Variants in SGCZ observed in about 807,000 individuals in gnomAD.
The protein encoded by SGCZ is sarcoglycan zeta.
Under a neutral mutation model 41.3 loss-of-function variants are expected in SGCZ, and 40 were observed. The ratio of observed to expected loss-of-function variants is 0.97; its 90% CI spans 0.75 to 1.26. The LOEUF is 1.26. Ranked by LOEUF, SGCZ falls within the 50% of genes most tolerant of loss-of-function variation. The pLI is 0.00. For synonymous variants in SGCZ, 206 were observed against 137.5 expected (o/e 1.50, Z -3.49); for missense variants, 552 against 369.8 (o/e 1.49, Z -4.04).
At chr8:14,636,924 T>C (rs1806847959) in intron 1 of SGCZ, among the ~76,000 whole-genome samples, 1 of 151,916 alleles carries the variant, frequency 6.6e-6, no homozygotes, top group Admixed American at 6.6e-5. Context: ...TTTTAAAATG[T>C]TTACGTTCCC....
intron 1 of SGCZ, among the ~76,000 whole-genome samples, chr8:15,038,048 T>G (rs1803933425): frequency 6.6e-6 from 1 of 152,062 alleles, no homozygotes; most frequent in Non-Finnish European, 1.5e-5. Flanking sequence ...ATGAACAGAT[T>G]CATTGCAATC....
At chr8:14,492,106 T>A (rs1330366255) in intron 2 of SGCZ, among the ~76,000 whole-genome samples, 1 of 152,210 alleles carries the variant, frequency 6.6e-6, no homozygotes, top group Non-Finnish European at 1.5e-5. Context: ...ATATAAACTT[T>A]ACATAAAGCG....
At chr8:15,097,861 T>TGTATATATATATATATAC (rs1563124008) in intron 1 of SGCZ, among the ~76,000 whole-genome samples, 15 of 16,970 alleles carry the variant, frequency 8.8e-4, no homozygotes, top group African/African-American at 4.1e-3. Flanking sequence ...TATATACGTG[T>TGTATATATATATATATAC]GTGTGTATAT....
intron 1 of SGCZ, among the ~76,000 whole-genome samples, chr8:14,785,325 G>A (rs989318583): frequency 6.6e-5 from 10 of 152,088 alleles, no homozygotes; most frequent in South Asian, 2.1e-4. Context: ...GGATTTCAAT[G>A]CCTAGCTAAA....
chr8:14,757,704 C>T (rs1250578970), intron 1 of SGCZ, among the ~76,000 whole-genome samples: 1 of 152,172 alleles, frequency 6.6e-6, no homozygotes, highest in African/African-American at 2.4e-5. Context: ...AAGAATTGAC[C>T]TTCCAAATCG....
At chr8:14,711,525 C>A (rs1282869862) in intron 1 of SGCZ, among the ~76,000 whole-genome samples, 2 of 146,452 alleles carry the variant, frequency 1.4e-5, no homozygotes, top group Non-Finnish European at 3.0e-5. Context: ...TTGCTTGAAT[C>A]CAGGAGGCAG....
chr8:15,178,412 G>A (rs1077593), intron 1 of SGCZ, among the ~76,000 whole-genome samples: 62,253 of 151,962 alleles, frequency 0.41, 14,368 homozygotes, highest in Non-Finnish European at 0.5. Context: ...ATTACCCCAT[G>A]TAGCGAATGG....
At chr8:14,401,673 G>A (rs903373646) in intron 2 of SGCZ, among the ~76,000 whole-genome samples, 10 of 151,620 alleles carry the variant, frequency 6.6e-5, no homozygotes, top group South Asian at 2.1e-4. Flanking sequence ...ACATTTTCTT[G>A]ATCCAGTCTA....
chr8:14,561,409 G>A (rs1273604532), intron 1 of SGCZ, among the ~76,000 whole-genome samples: 3 of 152,116 alleles, frequency 2.0e-5, no homozygotes, highest in Non-Finnish European at 2.9e-5. Context: ...AATTTTCTGA[G>A]AGACAATATC....
At chr8:14,348,931 G>A (rs1034781498) in intron 2 of SGCZ, among the ~76,000 whole-genome samples, 1 of 151,956 alleles carries the variant, frequency 6.6e-6, no homozygotes, top group African/African-American at 2.4e-5. Context: ...AAAGTATATA[G>A]AATTTTACAA....
chr8:14,801,288 T>C (rs1163468661), intron 1 of SGCZ, among the ~76,000 whole-genome samples: 1 of 152,226 alleles, frequency 6.6e-6, no homozygotes, highest in African/African-American at 2.4e-5. Context: ...CATATGCTAC[T>C]GGCATTTCAT....
At chr8:14,780,368 C>A (rs1409762358) in intron 1 of SGCZ, among the ~76,000 whole-genome samples, 1 of 141,466 alleles carries the variant, frequency 7.1e-6, no homozygotes, top group East Asian at 2.0e-4. Flanking sequence ...GAGTGAGACT[C>A]CATCTCAAAA....
chr8:14,143,212 A>T lies in SGCZ; in HGVS notation c.547+21368T>A, dbSNP rs575660744. Among the ~76,000 whole-genome samples, 73 of 152,322 alleles carry T rather than the reference A, an allele frequency of 4.8e-4. 1 individual carries two copies. Among genetic ancestry groups the T allele is most frequent in the African/African-American group, 1.7e-3 (72 of 41,580 alleles). On this transcript the variant is annotated intron_variant, in intron 5 of 7. Transcript: ENST00000382080. ...TTTAAAAACCTATAGCAAACATTGTACGTAATGATGAAAGACTGGATGAGT... is the reference window on the plus strand; with the variant it reads ...TTTAAAAACCTATAGCAAACATTGTTCGTAATGATGAAAGACTGGATGAGT...
intron 1 of SGCZ, among the ~76,000 whole-genome samples, chr8:14,950,854 G>A (rs573808334): frequency 5.3e-5 from 8 of 151,938 alleles, no homozygotes; most frequent in Non-Finnish European, 1.2e-4. Flanking sequence ...AATGTAAAAG[G>A]TAGGTTAAAT....
At chr8:14,371,884 G>C (rs954678701) in intron 2 of SGCZ, among the ~76,000 whole-genome samples, 10 of 152,064 alleles carry the variant, frequency 6.6e-5, no homozygotes, top group African/African-American at 2.4e-4. Context: ...ATCTTTATAT[G>C]CCTTGAGGGT....
At chr8:15,135,571 C>A (rs899144464) in intron 1 of SGCZ, among the ~76,000 whole-genome samples, 1 of 152,170 alleles carries the variant, frequency 6.6e-6, no homozygotes, top group African/African-American at 2.4e-5. Flanking sequence ...TGAGCAAGAA[C>A]GTTTTTCTGT....
chr8:14,589,788 T>A (rs528973465), intron 1 of SGCZ, among the ~76,000 whole-genome samples: 88 of 152,226 alleles, frequency 5.8e-4, no homozygotes, highest in African/African-American at 2.1e-3. Flanking sequence ...TATGGATAAA[T>A]CTTGAAATAT....
chr8:14,100,260 T>C (rs1801972942), intron 7 of SGCZ, among the ~76,000 whole-genome samples: 4 of 151,876 alleles, frequency 2.6e-5, no homozygotes, highest in African/African-American at 7.2e-5. Flanking sequence ...AGTTATAATA[T>C]GTAATTGAAT....
intron 3 of SGCZ, among the ~76,000 whole-genome samples, chr8:14,282,519 G>C (rs910822784): frequency 6.6e-6 from 1 of 151,788 alleles, no homozygotes; most frequent in Non-Finnish European, 1.5e-5. Flanking sequence ...CCCTATTCTT[G>C]GTGTTTTCAA....
Sources: gnomAD v4.1 joint callset for allele counts (sites outside exome capture counted in the v4.1 genomes callset) on GRCh38, gnomAD v4.1.1 for gene constraint, MANE v1.5 for transcripts, NCBI Gene and HGNC (gene_info 2026-07-23, HGNC 2026-07-21) for gene names.